The following SLC24A2 variants were observed in gnomAD, a reference collection of about 807,000 sequenced individuals.
The protein encoded by SLC24A2 is solute carrier family 24 member 2.
SLC24A2 carries 36 observed loss-of-function variants against 62.0 expected under a neutral mutation model. The ratio of observed to expected loss-of-function variants is 0.58; its 90% CI spans 0.44 to 0.77. The LOEUF (loss-of-function observed/expected upper bound fraction) is 0.77. Among genes scored for constraint, SLC24A2 ranks in the 30% least tolerant of loss-of-function variants. The probability of loss-of-function intolerance (pLI) is 0.00; values close to 1 mark genes in which losing one functional copy is unlikely to be tolerated. For missense variants in SLC24A2, 846 were observed against 817.9 expected (o/e 1.03, Z -0.42); for synonymous variants, 358 against 294.0 (o/e 1.22, Z -2.23).
the SLC24A2 span, among the ~76,000 whole-genome samples, chr9:20,130,906 G>A: frequency 1.7e-4 from 26 of 152,146 alleles, no homozygotes; most frequent in African/African-American, 4.8e-4. Flanking sequence ...ACATCACATA[G>A]GATACCCTGC....
chr9:19,976,461 G>T, the SLC24A2 span, among the ~76,000 whole-genome samples: 4 of 152,108 alleles, frequency 2.6e-5, no homozygotes, highest in Non-Finnish European at 5.9e-5. Flanking sequence ...GCTCCACTAT[G>T]GTAGGACATG....
chr9:19,991,819 A>G, the SLC24A2 span, among the ~76,000 whole-genome samples: 87 of 152,302 alleles, frequency 5.7e-4, no homozygotes, highest in Non-Finnish European at 1.6e-4. Context: ...AACTGAAAGC[A>G]GGGAGAACAG....
the SLC24A2 span, among the ~76,000 whole-genome samples, chr9:19,861,681 C>A: frequency 6.6e-6 from 1 of 152,018 alleles, no homozygotes; most frequent in African/African-American, 2.4e-5. Flanking sequence ...CAAAGAAATT[C>A]AAGATAACAC....
intron 2 of SLC24A2, among the ~76,000 whole-genome samples, chr9:19,676,510 T>C (rs1162368029): frequency 1.3e-5 from 2 of 152,238 alleles, no homozygotes; most frequent in Non-Finnish European, 2.9e-5. Context: ...TTTGTTTCCT[T>C]GTTTATCTAT....
intron 2 of SLC24A2, among the ~76,000 whole-genome samples, chr9:19,678,093 C>T (rs12002881): frequency 1.4e-4 from 21 of 152,248 alleles, no homozygotes; most frequent in African/African-American, 4.1e-4. Context: ...AGTCTCTTTC[C>T]TCATCCCATC....
chr9:19,813,317 CTTTT>C, the SLC24A2 span, among the ~76,000 whole-genome samples: 2 of 86,274 alleles, frequency 2.3e-5, no homozygotes, highest in Admixed American at 1.6e-4. Flanking sequence ...TCATCTTCCT[CTTTT>C]TTTTTTTTTT....
chr9:20,217,716 C>G, the SLC24A2 span, among the ~76,000 whole-genome samples: 1 of 152,190 alleles, frequency 6.6e-6, no homozygotes, highest in Non-Finnish European at 1.5e-5. Context: ...TCTCACTATA[C>G]TACTGCTTTC....
the SLC24A2 span, among the ~76,000 whole-genome samples, chr9:20,285,863 G>C: frequency 6.6e-6 from 1 of 152,176 alleles, no homozygotes; most frequent in African/African-American, 2.4e-5. Flanking sequence ...GTCCATTTGA[G>C]GACACAGCAA....
chr9:19,570,918 A>G (rs1157654197), intron 7 of SLC24A2, among the ~76,000 whole-genome samples: 1 of 152,144 alleles, frequency 6.6e-6, no homozygotes, highest in East Asian at 1.9e-4. Flanking sequence ...ATTGCTCTTG[A>G]ACTCTGAGCC....
chr9:19,824,488 T>C, the SLC24A2 span, among the ~76,000 whole-genome samples: 4 of 152,196 alleles, frequency 2.6e-5, no homozygotes, highest in Non-Finnish European at 4.4e-5. Flanking sequence ...TCATGTCAGT[T>C]AGAATGGCAA....
the SLC24A2 span, among the ~76,000 whole-genome samples, chr9:20,239,945 C>T: frequency 6.7e-6 from 1 of 148,188 alleles, no homozygotes; most frequent in Non-Finnish European, 1.5e-5. Context: ...TTAGGTATTT[C>T]AATTTGCCCA....
At chr9:20,170,799 A>C in the SLC24A2 span, among the ~76,000 whole-genome samples, 1 of 152,056 alleles carries the variant, frequency 6.6e-6, no homozygotes, top group African/African-American at 2.4e-5. Flanking sequence ...TATTTAGTGG[A>C]AGAATAGAGG....
intron 2 of SLC24A2, among the ~76,000 whole-genome samples, chr9:19,711,820 A>G (rs1327411): frequency 0.17 from 25,547 of 152,248 alleles, 2,388 homozygotes; most frequent in Non-Finnish European, 0.22. Flanking sequence ...AGAAGCGATA[A>G]TGTGGGCAAG....
At chr9:19,702,273 C>T (rs964767675) in intron 2 of SLC24A2, among the ~76,000 whole-genome samples, 7 of 152,110 alleles carry the variant, frequency 4.6e-5, no homozygotes, top group African/African-American at 1.2e-4. Flanking sequence ...GCTCCTAAAA[C>T]GTTTATTGTT....
At chr9:19,756,189 A>C (rs1411198386) in intron 2 of SLC24A2, among the ~76,000 whole-genome samples, 1 of 152,216 alleles carries the variant, frequency 6.6e-6, no homozygotes, top group African/African-American at 2.4e-5. Context: ...TGAAATGACC[A>C]TTCCTAAATC....
the SLC24A2 span, among the ~76,000 whole-genome samples, chr9:20,165,774 G>GA: frequency 2.0e-4 from 31 of 151,712 alleles, 1 homozygote; most frequent in Non-Finnish European, 3.8e-4. Flanking sequence ...GTGTGACAAT[G>GA]AAAAAATTGA....
the SLC24A2 span, among the ~76,000 whole-genome samples, chr9:20,281,791 T>G: frequency 6.6e-6 from 1 of 152,246 alleles, no homozygotes; most frequent in African/African-American, 2.4e-5. Flanking sequence ...TTCTAGTTTA[T>G]AGCTTTTGGC....
the SLC24A2 span, among the ~76,000 whole-genome samples, chr9:20,294,851 TCC>T: frequency 2.0e-5 from 3 of 152,104 alleles, no homozygotes; most frequent in Non-Finnish European, 2.9e-5. Context: ...AAGGTCATGT[TCC>T]TACAAGCCTG....
chr9:20,077,391 C>T, the SLC24A2 span, among the ~76,000 whole-genome samples: 12 of 151,730 alleles, frequency 7.9e-5, no homozygotes, highest in East Asian at 1.9e-4. Flanking sequence ...ATATAACATT[C>T]CTTCATAAAC....
Sources: gnomAD v4.1 joint callset for allele counts (sites outside exome capture counted in the v4.1 genomes callset) on GRCh38, gnomAD v4.1.1 for gene constraint, MANE v1.5 for transcripts, NCBI Gene and HGNC (gene_info 2026-07-23, HGNC 2026-07-21) for gene names.